CSNK1G2: variants seen among roughly 807,000 people sequenced by gnomAD.
The protein encoded by CSNK1G2 is casein kinase 1 gamma 2, also known as casein kinase I isoform gamma-2.
In CSNK1G2, 11 loss-of-function variants were observed where a neutral mutation model predicts 48.0. The ratio of observed to expected loss-of-function variants is 0.23; its 90% CI spans 0.14 to 0.38. The LOEUF is 0.38. CSNK1G2 is among the 10% of genes least tolerant of loss of function. The pLI, the probability that CSNK1G2 is intolerant of heterozygous loss-of-function variation, is 1.00. For missense variants in CSNK1G2, 446 were observed against 595.5 expected (o/e 0.75, Z 2.61); for synonymous variants, 337 against 254.1 (o/e 1.33, Z -3.10).
intron 1 of CSNK1G2, among the ~76,000 whole-genome samples, chr19:1,944,671 C>G (rs1463736103): frequency 6.9e-6 from 1 of 145,554 alleles, no homozygotes; most frequent in East Asian, 2.1e-4. Context: ...GTGGGTCTGT[C>G]CGGGAGCTTG....
chr19:1,941,774 T>C (rs12975323), intron 1 of CSNK1G2, among the ~76,000 whole-genome samples: 51,014 of 109,660 alleles, frequency 0.47, 12,251 homozygotes, highest in Non-Finnish European at 0.6. Context: ...CCCCCGCCGC[T>C]CCAGTGACCC....
rs1360518399 is a variant in CSNK1G2, at chr19:1,960,010, C to T, written c.-265-9498C>T. On this transcript the variant is annotated intron_variant, in intron 1 of 11. Transcript: ENST00000255641. ...GGAACTGGGGAGTGAGAGTTTGTTC[C>T]CTGCTGTTGTAAAGGGCATAACCTG... 2.0e-5 allele frequency among the ~76,000 whole-genome samples: 3 copies of T among 152,194 alleles called. No individual in the cohort carries two copies. In the East Asian group the frequency reaches 5.8e-4, roughly 29 times the overall value.
intron 1 of CSNK1G2, among the ~76,000 whole-genome samples, chr19:1,950,104 C>A (rs1427262797): frequency 1.3e-5 from 2 of 151,868 alleles, no homozygotes; most frequent in African/African-American, 2.4e-5. Context: ...CAAAAATCAA[C>A]GTTTATTTTT....
intron 1 of CSNK1G2, among the ~76,000 whole-genome samples, chr19:1,960,033 C>T (rs1315507041): frequency 6.6e-6 from 1 of 152,212 alleles, no homozygotes; most frequent in Non-Finnish European, 1.5e-5. Context: ...AGGGCATAAC[C>T]TGGGGGAAGC....
At chr19:1,977,828 TGG>T (rs2015812462) in intron 2 of CSNK1G2, among the ~76,000 whole-genome samples, 1 of 150,780 alleles carries the variant, frequency 6.6e-6, no homozygotes, top group Non-Finnish European at 1.5e-5. Context: ...AAGTCCTATG[TGG>T]CTGGTGGCCC....
chr19:1,968,080 C>T (rs2015435054), intron 1 of CSNK1G2, among the ~76,000 whole-genome samples: 2 of 44,548 alleles, frequency 4.5e-5, no homozygotes, highest in Non-Finnish European at 7.8e-5. Context: ...AGGTGGGGCT[C>T]CTCCCTCCTC....
At chr19:1,959,861 G>C (rs55907935) in intron 1 of CSNK1G2, among the ~76,000 whole-genome samples, 2 of 99,030 alleles carry the variant, frequency 2.0e-5, no homozygotes, top group East Asian at 3.1e-4. Flanking sequence ...GCCACCTTTA[G>C]TGCCACCGTG....
Position 1,949,191 on chromosome 19 carries a change from C to G in CSNK1G2, c.-266+7773C>G, listed in dbSNP as rs565523493. ...CCACCACCTGTAATTCCAGAGTGTT[C>G]TCATCACCTGCAAAGGGAGCCCTGG... On this transcript the variant is annotated intron_variant, in intron 1 of 11. Coordinates refer to ENST00000255641, the MANE Select transcript of CSNK1G2 (RefSeq NM_001319.7). Among the ~76,000 whole-genome samples, 6 of 152,352 alleles carry G rather than the reference C, an allele frequency of 3.9e-5. No homozygotes were observed. The South Asian group carries it at 1.2e-3, about 32-fold the overall frequency.
intron 1 of CSNK1G2, among the ~76,000 whole-genome samples, chr19:1,946,969 G>A (rs2014587760): frequency 6.6e-6 from 1 of 151,930 alleles, no homozygotes; most frequent in African/African-American, 2.4e-5. Flanking sequence ...GGCCAAGCTG[G>A]TCTTGAACTC....
intron 1 of CSNK1G2, among the ~76,000 whole-genome samples, chr19:1,961,092 C>T (rs907240039): frequency 6.6e-6 from 1 of 152,206 alleles, no homozygotes; most frequent in Non-Finnish European, 1.5e-5. Flanking sequence ...TGGTCCTCTG[C>T]GGAAGTCCCC....
At chr19:1,967,412 C>A (rs1051895725) in intron 1 of CSNK1G2, among the ~76,000 whole-genome samples, 1 of 152,190 alleles carries the variant, frequency 6.6e-6, no homozygotes, top group East Asian at 1.9e-4. Flanking sequence ...CTGTGGTCCC[C>A]CTTCTTCAGT....
chr19:1,970,447 C>T lies in CSNK1G2; in HGVS notation c.187+488C>T, dbSNP rs560561649. ...AGCTTCACCATGTAAAAGGCCGCACCTGGCCCACCTGGCTCCGTCCCTTCT... is the reference window on the plus strand; with the variant it reads ...AGCTTCACCATGTAAAAGGCCGCACTTGGCCCACCTGGCTCCGTCCCTTCT... On this transcript the variant is annotated intron_variant, in intron 2 of 11. Coordinates refer to ENST00000255641, the MANE Select transcript of CSNK1G2 (RefSeq NM_001319.7). Among the ~76,000 whole-genome samples, 6 of 152,378 alleles carry T rather than the reference C, an allele frequency of 3.9e-5. No individual in the cohort carries two copies. The East Asian group carries it at 9.7e-4, about 25-fold the overall frequency.
rs749373021 is a variant in CSNK1G2 at position 1,979,650 on chromosome 19, G to T, written c.1002+7G>T. ...CTGGGCCGGGAAGCCCCTGGTAGGTGGGGGGGTGCCGGTATGTGGGAGCGG... is the reference window on the plus strand; with the variant it reads ...CTGGGCCGGGAAGCCCCTGGTAGGTTGGGGGGTGCCGGTATGTGGGAGCGG... On this transcript the variant is annotated splice_region_variant and intron_variant, in intron 9 of 11. Transcript: ENST00000255641. 16 of 1,601,000 alleles carry T rather than the reference G, an allele frequency of 1.0e-5. No individual in the cohort carries two copies. Among genetic ancestry groups the T allele is most frequent in the Middle Eastern group, 1.6e-4 (1 of 6,064 alleles).
At chr19:1,944,482 C>A (rs2014481432) in intron 1 of CSNK1G2, among the ~76,000 whole-genome samples, 1 of 152,192 alleles carries the variant, frequency 6.6e-6, no homozygotes, top group Non-Finnish European at 1.5e-5. Context: ...TTCCCGAGGG[C>A]TGACTCCCAC....
Position 1,965,496 on chromosome 19 carries a change from GTCAT to G in CSNK1G2, c.-265-4002_-265-3999del, listed in dbSNP as rs773896864. Among the ~76,000 whole-genome samples the G allele has an allele frequency of 4.0e-5, 6 of 151,884 alleles. No individual in the cohort carries two copies. The East Asian group carries it at 7.8e-4, about 20-fold the overall frequency. ...GGAAATCAAGATGACTCCTTGACAT[GTCAT>G]TCATTCATTTATTTATGCATGACAA... On this transcript the variant is annotated intron_variant, in intron 1 of 11. Coordinates refer to ENST00000255641, the MANE Select transcript of CSNK1G2 (RefSeq NM_001319.7).
chr19:1,941,603 C>T (rs1165871225), intron 1 of CSNK1G2, among the ~76,000 whole-genome samples, 185 bp downstream of exon 1: 3 of 146,668 alleles, frequency 2.0e-5, no homozygotes, highest in Admixed American at 6.7e-5. Context: ...CTGACCCCCA[C>T]ACTCAGGGCC....
chr19:1,949,354 T>C (rs1292549415), intron 1 of CSNK1G2, among the ~76,000 whole-genome samples: 1 of 152,190 alleles, frequency 6.6e-6, no homozygotes, highest in Admixed American at 6.5e-5. Context: ...TCTGGCTCTG[T>C]GACTCTGAGG....
chr19:1,953,024 AC>A (rs1294716802), intron 1 of CSNK1G2: 3 of 407,056 alleles, frequency 7.4e-6, no homozygotes, highest in Non-Finnish European at 1.4e-5. Flanking sequence ...GAAAAAAAAA[AC>A]AAAGGAAATG....
At chr19:1,970,377 TG>T (rs1489815415) in intron 2 of CSNK1G2, among the ~76,000 whole-genome samples, 1 of 152,242 alleles carries the variant, frequency 6.6e-6, no homozygotes, top group Non-Finnish European at 1.5e-5. Flanking sequence ...GTCAGGTGGC[TG>T]GAGTGACTGT....
Sources: gnomAD v4.1 joint callset for allele counts (sites outside exome capture counted in the v4.1 genomes callset) on GRCh38, gnomAD v4.1.1 for gene constraint, MANE v1.5 for transcripts, NCBI Gene and HGNC (gene_info 2026-07-23, HGNC 2026-07-21) for gene names.